The following FGF14 variants were observed in gnomAD, a reference collection of about 807,000 sequenced individuals.
FGF14 encodes the protein fibroblast growth factor 14, also known as fibroblast growth factor homologous factor 4.
FGF14 carries 5 observed loss-of-function variants against 25.5 expected under a neutral mutation model. The observed-to-expected ratio is 0.20, with a 90% CI of 0.10 to 0.41. The LOEUF is 0.41. Among genes scored for constraint, FGF14 ranks in the 10% least tolerant of loss-of-function variants. The pLI, the probability that FGF14 is intolerant of heterozygous loss-of-function variation, is 1.00. For missense variants in FGF14, 222 were observed against 320.1 expected, an observed-to-expected ratio of 0.69 and a Z score of 2.34; for synonymous variants, 138 against 118.3, an observed-to-expected ratio of 1.17 and a Z score of -1.08.
chr13:102,112,786 C>T (rs2045294844), intron 1 of FGF14, among the ~76,000 whole-genome samples: 1 of 152,290 alleles, frequency 6.6e-6, no homozygotes, highest in East Asian at 1.9e-4. Flanking sequence ...TTCTGAGCCT[C>T]ATAATAACTC....
chr13:101,975,993 C>G (rs963968592), intron 1 of FGF14, among the ~76,000 whole-genome samples: 1 of 152,166 alleles, frequency 6.6e-6, no homozygotes, highest in African/African-American at 2.4e-5. Flanking sequence ...TAAGCATTTG[C>G]CTGCATTAAA....
chr13:102,042,766 A>T (rs1025069648), intron 1 of FGF14, among the ~76,000 whole-genome samples: 32 of 152,192 alleles, frequency 2.1e-4, no homozygotes, highest in African/African-American at 7.5e-4. Context: ...AAAACAGAGA[A>T]CTCATGTTTT....
chr13:102,308,916 C>CAAA (rs71125061), intron 1 of FGF14, among the ~76,000 whole-genome samples: 843 of 61,938 alleles, frequency 0.014, 17 homozygotes, highest in African/African-American at 0.036. Flanking sequence ...GTTTCTTATA[C>CAAA]AAAAAAAAAA....
intron 1 of FGF14, among the ~76,000 whole-genome samples, chr13:102,229,389 A>G (rs1314280840): frequency 1.3e-5 from 2 of 152,228 alleles, no homozygotes; most frequent in Non-Finnish European, 2.9e-5. Flanking sequence ...AACGACTATT[A>G]TCACCGTTTC....
At chr13:101,814,981 T>C (rs552047211) in intron 3 of FGF14, among the ~76,000 whole-genome samples, 1 of 136,394 alleles carries the variant, frequency 7.3e-6, no homozygotes, top group South Asian at 2.7e-4. Context: ...AAGAGACTTA[T>C]TAGTACCCCT....
chr13:101,755,880 C>T (rs1594137023), intron 3 of FGF14, among the ~76,000 whole-genome samples: 1 of 152,126 alleles, frequency 6.6e-6, no homozygotes, highest in Non-Finnish European at 1.5e-5. Context: ...TTTTCAAGAA[C>T]GTCTTCTATA....
chr13:102,066,371 G>A (rs932318963), intron 1 of FGF14, among the ~76,000 whole-genome samples: 1 of 152,130 alleles, frequency 6.6e-6, no homozygotes, highest in East Asian at 1.9e-4. Flanking sequence ...ATTTGCATCA[G>A]GTTCTTAATT....
chr13:101,788,872 CTATATATATATATATATATATA>C (rs56084859), intron 3 of FGF14, among the ~76,000 whole-genome samples: 3 of 26,412 alleles, frequency 1.1e-4, no homozygotes, highest in Admixed American at 7.1e-4. Flanking sequence ...CCTTTTTTGA[CTATATATATATATATATATATA>C]TATATATATA....
At chr13:102,089,524 G>T (rs371017813) in intron 1 of FGF14, among the ~76,000 whole-genome samples, 11 of 152,294 alleles carry the variant, frequency 7.2e-5, no homozygotes, top group African/African-American at 2.2e-4. Context: ...AATTTTAACA[G>T]CTGGCATAAG....
intron 1 of FGF14, among the ~76,000 whole-genome samples, chr13:102,252,367 A>G (rs2141075418): frequency 6.6e-6 from 1 of 152,316 alleles, no homozygotes; most frequent in Middle Eastern, 3.4e-3. Context: ...TCCCTCATCA[A>G]TAAAATGGAA....
chr13:101,873,023 ACAG>A (rs2045195312), intron 2 of FGF14, among the ~76,000 whole-genome samples: 1 of 147,036 alleles, frequency 6.8e-6, no homozygotes. Flanking sequence ...TACTGCAGAT[ACAG>A]AAGAAAAAAA....
chr13:102,401,534 T>C, exon 1 of FGF14: 1 of 1,614,204 alleles, frequency 6.2e-7, no homozygotes, highest in South Asian at 1.1e-5. Context: ...TGCGTTCCTT[T>C]GCTGAAAATG....
chr13:101,977,915 A>C (rs139340149), intron 1 of FGF14, among the ~76,000 whole-genome samples: 127 of 150,920 alleles, frequency 8.4e-4, no homozygotes, highest in African/African-American at 3.0e-3. Flanking sequence ...AAACTTCAGT[A>C]ATGTAAAACA....
chr13:102,139,127 T>C (rs988034829), intron 1 of FGF14, among the ~76,000 whole-genome samples: 1 of 152,208 alleles, frequency 6.6e-6, no homozygotes, highest in African/African-American at 2.4e-5. Flanking sequence ...CAAGATAGTA[T>C]AATCCCTGTG....
At chr13:102,256,817 A>G (rs2052463572) in intron 1 of FGF14, among the ~76,000 whole-genome samples, 1 of 152,248 alleles carries the variant, frequency 6.6e-6, no homozygotes, top group Non-Finnish European at 1.5e-5. Context: ...TCCATGTAGA[A>G]CAGTTTGACT....
intron 1 of FGF14, among the ~76,000 whole-genome samples, chr13:102,014,414 G>T (rs370367366): frequency 6.6e-6 from 1 of 152,126 alleles, no homozygotes; most frequent in Admixed American, 6.6e-5. Flanking sequence ...AATAGTGCAC[G>T]GAAAAAGCTA....
At chr13:102,276,829 G>A (rs547035783) in intron 1 of FGF14, among the ~76,000 whole-genome samples, 1 of 152,296 alleles carries the variant, frequency 6.6e-6, no homozygotes, top group African/African-American at 2.4e-5. Context: ...CAAAGAGTTA[G>A]AGATTATGAG....
intron 1 of FGF14, among the ~76,000 whole-genome samples, chr13:102,004,857 T>C (rs1421593408): frequency 6.6e-6 from 1 of 152,190 alleles, no homozygotes; most frequent in African/African-American, 2.4e-5. Flanking sequence ...GCTTGGCACT[T>C]CTTCCTTCCA....
chr13:101,758,038 A>G (rs957084726), intron 3 of FGF14, among the ~76,000 whole-genome samples: 1 of 152,186 alleles, frequency 6.6e-6, no homozygotes, highest in African/African-American at 2.4e-5. Flanking sequence ...GACTGCTTAT[A>G]TTGTAGGCAA....
Sources: allele counts gnomAD v4.1 joint callset (sites outside exome capture counted in the v4.1 genomes callset), GRCh38; gene constraint gnomAD v4.1.1; transcripts MANE v1.5; gene names NCBI Gene and HGNC (gene_info 2026-07-23, HGNC 2026-07-21).